TENM3: variants seen among roughly 807,000 people sequenced by gnomAD.
TENM3 encodes the protein teneurin transmembrane protein 3.
In TENM3, 63 loss-of-function variants were observed where a neutral mutation model predicts 255.1. That is an observed-to-expected ratio of 0.25 (90% CI 0.20 to 0.30). The LOEUF (loss-of-function observed/expected upper bound fraction) is 0.30. Among genes scored for constraint, TENM3 ranks in the 10% least tolerant of loss-of-function variants. TENM3 has a pLI of 1.00. For synonymous variants in TENM3, 1,306 were observed against 1,322.3 expected (o/e 0.99, Z 0.27); for missense variants, 2,929 against 3,461.1 (o/e 0.85, Z 3.86).
the TENM3 span, among the ~76,000 whole-genome samples, chr4:181,673,019 A>C: frequency 6.6e-6 from 1 of 152,154 alleles, no homozygotes; most frequent in African/African-American, 2.4e-5. Flanking sequence ...TCTTCATATC[A>C]CAGATAAGGA....
the TENM3 span, among the ~76,000 whole-genome samples, chr4:181,629,597 G>A: frequency 1.1e-4 from 17 of 152,140 alleles, no homozygotes; most frequent in East Asian, 1.2e-3. Flanking sequence ...AGAAAATCAC[G>A]TGGTTTTTGT....
At chr4:181,936,497 T>C in the TENM3 span, among the ~76,000 whole-genome samples, 4 of 152,088 alleles carry the variant, frequency 2.6e-5, no homozygotes, top group Admixed American at 2.0e-4. Context: ...TCGCCTACCC[T>C]TCACACTCTT....
chr4:182,198,522 T>G (rs2149815704), intron 1 of TENM3, among the ~76,000 whole-genome samples: 1 of 152,380 alleles, frequency 6.6e-6, no homozygotes, highest in South Asian at 2.1e-4. Flanking sequence ...CTGTGCAGCT[T>G]GCTGCGGATA....
At chr4:182,089,582 A>T in the TENM3 span, among the ~76,000 whole-genome samples, 1 of 152,282 alleles carries the variant, frequency 6.6e-6, no homozygotes, top group East Asian at 1.9e-4. Flanking sequence ...TTTTTAAAAA[A>T]ACCATTGGAC....
chr4:182,739,034 A>G (rs1172406736), intron 18 of TENM3, among the ~76,000 whole-genome samples: 1 of 147,950 alleles, frequency 6.8e-6, no homozygotes, highest in Non-Finnish European at 1.5e-5. Flanking sequence ...TATTCTGAGT[A>G]TCTAGATTTT....
the TENM3 span, among the ~76,000 whole-genome samples, chr4:181,802,180 C>T: frequency 1.3e-5 from 2 of 152,124 alleles, no homozygotes; most frequent in Non-Finnish European, 2.9e-5. Context: ...TTTCACTGTG[C>T]CTTTACAATT....
At chr4:182,505,661 G>T (rs1736738648) in intron 3 of TENM3, among the ~76,000 whole-genome samples, 1 of 151,934 alleles carries the variant, frequency 6.6e-6, no homozygotes, top group Admixed American at 6.6e-5. Context: ...TTTATTTTCA[G>T]TAGAGACGGG....
At chr4:181,645,043 A>C in the TENM3 span, among the ~76,000 whole-genome samples, 1 of 152,212 alleles carries the variant, frequency 6.6e-6, no homozygotes, top group Non-Finnish European at 1.5e-5. Flanking sequence ...TTCCTAAATG[A>C]GGACAATTTT....
chr4:181,892,759 G>A, the TENM3 span, among the ~76,000 whole-genome samples: 10 of 152,144 alleles, frequency 6.6e-5, no homozygotes, highest in Admixed American at 1.3e-4. Context: ...ACATGAGCCC[G>A]CGGTGGTTTT....
At chr4:182,587,395 C>T (rs987410517) in intron 3 of TENM3, among the ~76,000 whole-genome samples, 6 of 152,062 alleles carry the variant, frequency 3.9e-5, no homozygotes, top group African/African-American at 1.2e-4. Flanking sequence ...CCCATCTCTA[C>T]TAAAAATACA....
intron 1 of TENM3, among the ~76,000 whole-genome samples, chr4:182,148,262 G>A (rs1032463743): frequency 2.6e-5 from 4 of 152,098 alleles, no homozygotes; most frequent in African/African-American, 7.2e-5. Flanking sequence ...GCCTTATTAT[G>A]TAGAATTAAC....
At chr4:182,117,730 T>A in the TENM3 span, among the ~76,000 whole-genome samples, 1 of 152,204 alleles carries the variant, frequency 6.6e-6, no homozygotes, top group Non-Finnish European at 1.5e-5. Flanking sequence ...TTGAATAGCA[T>A]CAGTCCTCTG....
the TENM3 span, among the ~76,000 whole-genome samples, chr4:181,931,716 C>T: frequency 6.6e-6 from 1 of 152,148 alleles, no homozygotes; most frequent in African/African-American, 2.4e-5. Flanking sequence ...CAAGGCAATC[C>T]TAAGCAAAAA....
At chr4:182,673,458 T>G (rs1755394276) in intron 7 of TENM3, among the ~76,000 whole-genome samples, 1 of 152,224 alleles carries the variant, frequency 6.6e-6, no homozygotes, top group Non-Finnish European at 1.5e-5. Flanking sequence ...TGTGAGGAAC[T>G]TAATGAATAT....
At chr4:182,164,251 C>G (rs986054812) in intron 1 of TENM3, among the ~76,000 whole-genome samples, 1 of 152,176 alleles carries the variant, frequency 6.6e-6, no homozygotes. Context: ...TTCCTGCAAA[C>G]CTCATCTTTC....
At chr4:182,108,312 G>A in the TENM3 span, among the ~76,000 whole-genome samples, 3 of 152,174 alleles carry the variant, frequency 2.0e-5, no homozygotes, top group Non-Finnish European at 2.9e-5. Context: ...GCTTTAACGT[G>A]TCTAGGTGAT....
At chr4:182,392,296 A>G (rs2150986101) in intron 3 of TENM3, among the ~76,000 whole-genome samples, 1 of 152,246 alleles carries the variant, frequency 6.6e-6, no homozygotes, top group East Asian at 1.9e-4. Flanking sequence ...GAGAGGGAAA[A>G]CCGAAATCTG....
At chr4:181,744,558 A>C in the TENM3 span, among the ~76,000 whole-genome samples, 1 of 152,248 alleles carries the variant, frequency 6.6e-6, no homozygotes, top group African/African-American at 2.4e-5. Flanking sequence ...GGATATTTTT[A>C]AGGGATATCC....
At chr4:181,653,007 G>T in the TENM3 span, among the ~76,000 whole-genome samples, 1 of 152,108 alleles carries the variant, frequency 6.6e-6, no homozygotes, top group Non-Finnish European at 1.5e-5. Flanking sequence ...AAATGATTTA[G>T]CATACAGCAC....
Sources: allele counts gnomAD v4.1 joint callset (sites outside exome capture counted in the v4.1 genomes callset), GRCh38; gene constraint gnomAD v4.1.1; transcripts MANE v1.5; gene names NCBI Gene and HGNC (gene_info 2026-07-23, HGNC 2026-07-21).